The following HIF3A variants were observed in gnomAD, a reference collection of about 807,000 sequenced individuals.
The protein encoded by HIF3A is hypoxia inducible factor 3 subunit alpha.
In HIF3A, 41 loss-of-function variants were observed where a neutral mutation model predicts 67.2. That is an observed-to-expected ratio of 0.61 (90% confidence interval 0.48 to 0.79). The LOEUF (loss-of-function observed/expected upper bound fraction) is 0.79, where lower values mean the gene tolerates loss of function less well. Ranked by LOEUF, HIF3A falls within the 30% of genes least tolerant of loss-of-function variation. The probability of loss-of-function intolerance (pLI) is 0.00; values close to 1 mark genes in which losing one functional copy is unlikely to be tolerated. For missense variants in HIF3A, 855 were observed against 898.0 expected (o/e 0.95, Z 0.61); for synonymous variants, 356 against 374.8 (o/e 0.95, Z 0.58).
intron 1 of HIF3A, among the ~76,000 whole-genome samples, chr19:46,300,273 T>C (rs370337625): frequency 1.3e-5 from 2 of 152,218 alleles, no homozygotes; most frequent in South Asian, 4.1e-4. Context: ...CACCACACTA[T>C]GGGGCGTGTA....
At chr19:46,325,846 G>A (rs963706365) in intron 11 of HIF3A, among the ~76,000 whole-genome samples, 5 of 152,210 alleles carry the variant, frequency 3.3e-5, no homozygotes, top group African/African-American at 9.7e-5. Context: ...GTAGGTGGAT[G>A]AATGTTTGGA....
intron 6 of HIF3A, chr19:46,310,591 A>T (rs898320249): frequency 2.2e-6 from 1 of 455,946 alleles, no homozygotes. Flanking sequence ...TTGGCTGTGT[A>T]TCCTTAGCCA....
intron 10 of HIF3A, among the ~76,000 whole-genome samples, chr19:46,324,979 CAT>C (rs1162302915): frequency 1.8e-5 from 2 of 113,204 alleles, no homozygotes; most frequent in African/African-American, 8.2e-5. Context: ...CACACACACA[CAT>C]ATATTGTGTG....
In HIF3A at chr19:46,321,731, C is replaced by T. The variant is rs192786573; in HGVS notation, c.1145-45C>T. 625 of 1,571,818 alleles carry T rather than the reference C, an allele frequency of 4.0e-4. 6 individuals are homozygous for T. In the East Asian group the frequency reaches 0.012, roughly 31 times the overall value. Reference sequence around the variant, plus strand: ...GTATGGAGGGCTCTGGCCCTTGGCCCTCAGTCACCAGCCCGTGTCCTCCCC... The same window carrying T: ...GTATGGAGGGCTCTGGCCCTTGGCCTTCAGTCACCAGCCCGTGTCCTCCCC... On this transcript the variant is annotated intron_variant, in intron 9 of 14. Coordinates refer to ENST00000377670, the MANE Select transcript of HIF3A (RefSeq NM_152795.4).
intron 13 of HIF3A, among the ~76,000 whole-genome samples, chr19:46,334,290 C>A (rs924049323): frequency 6.6e-6 from 1 of 152,008 alleles, no homozygotes; most frequent in Non-Finnish European, 1.5e-5. Flanking sequence ...TGGAGTTTCA[C>A]CATGTTGGCC....
intron 10 of HIF3A, among the ~76,000 whole-genome samples, chr19:46,322,614 T>C (rs1970456929): frequency 6.6e-6 from 1 of 151,792 alleles, no homozygotes; most frequent in Admixed American, 6.6e-5. Flanking sequence ...TAATTTTTTG[T>C]ATTTTTAGTA....
In HIF3A at chr19:46,340,647, T is replaced by C. The variant is rs1971902671; in HGVS notation, c.*1025T>C. On this transcript the variant is annotated 3_prime_UTR_variant, in exon 15 of 15. Coordinates refer to ENST00000377670, the MANE Select transcript of HIF3A (RefSeq NM_152795.4). ...TCCCAAATAGCCGGGACTACGGGCATGTGCCACATTGCCCGGCTAATTTTT... is the reference window on the plus strand; with the variant it reads ...TCCCAAATAGCCGGGACTACGGGCACGTGCCACATTGCCCGGCTAATTTTT... The C allele has an allele frequency of 1.3e-5, 2 of 152,224 alleles. No homozygotes were observed. The highest frequency in any genetic ancestry group is 4.8e-5 in the African/African-American group (2 of 41,446). The allele number at this position is 152,224 out of a possible 1,614,324, so 9.4% of individuals were successfully genotyped here.
At chr19:46,319,809 C>A (rs1003727483) in intron 8 of HIF3A, among the ~76,000 whole-genome samples, 9 of 152,042 alleles carry the variant, frequency 5.9e-5, no homozygotes, top group Non-Finnish European at 1.2e-4. Context: ...CTTTCAGTGC[C>A]GCCCCACCCC....
intron 9 of HIF3A, among the ~76,000 whole-genome samples, chr19:46,320,806 T>A (rs905699256): frequency 6.6e-6 from 1 of 152,238 alleles, no homozygotes; most frequent in Non-Finnish European, 1.5e-5. Flanking sequence ...CCTCCCCTTC[T>A]GTGGCTATGG....
At chr19:46,300,809 AC>A (rs372313203) in intron 1 of HIF3A, among the ~76,000 whole-genome samples, 1 of 152,102 alleles carries the variant, frequency 6.6e-6, no homozygotes, top group African/African-American at 2.4e-5. Context: ...AAAGACCCAC[AC>A]TTCCCAGTAG....
At position 46,304,062 on chromosome 19, in the gene HIF3A, T is replaced by A. The variant is rs751859823; in HGVS notation, c.191T>A (p.Leu64Gln). 9 of 1,578,568 alleles carry A rather than the reference T, an allele frequency of 5.7e-6. No individual in the cohort carries two copies. The highest frequency in any genetic ancestry group is 6.0e-6 in the Non-Finnish European group (7 of 1,163,444). The stretch of plus-strand genomic sequence containing the variant: ...ATCATGCGCCTCACCATCAGCTACC[T>A]GCGCATGCACCGCCTCTGCGCCGCA... ...ASIMRLTISY[L>Q]RMHRLCAAGE... The change falls in exon 2 of 15, where the codon CTG becomes CAG. Residue 64 changes from leucine to glutamine, a missense_variant. Physicochemically the swap from Leu to Gln is moderately radical, Grantham distance 113. Coordinates refer to ENST00000377670, the MANE Select transcript of HIF3A (RefSeq NM_152795.4).
At chr19:46,334,753 C>T in intron 13 of HIF3A, 152 bp from the exon 14 acceptor site, 1 of 545,482 alleles carries the variant, frequency 1.8e-6, no homozygotes, top group South Asian at 2.9e-5. Context: ...CACTATCTTG[C>T]CCAGGCTGGT....
chr19:46,301,451 G>C (rs1053411760), intron 1 of HIF3A, among the ~76,000 whole-genome samples: 1 of 152,156 alleles, frequency 6.6e-6, no homozygotes, highest in South Asian at 2.1e-4. Flanking sequence ...TCCCAGCTCA[G>C]CCAGTTGTTG....
chr19:46,321,982 C>T lies in HIF3A; in HGVS notation c.1335+16C>T. 2.5e-6 allele frequency: 4 copies of T among 1,612,150 alleles called. No homozygotes were observed. The highest frequency in any genetic ancestry group is 3.4e-6 in the Non-Finnish European group (4 of 1,178,984). ...TCCTCTTTCGGTAAGCCATCCCACC[C>T]ATGTGAGCCCTCAGCATCCAGTGCT... On this transcript the variant is annotated intron_variant, in intron 10 of 14. Coordinates refer to ENST00000377670, the MANE Select transcript of HIF3A (RefSeq NM_152795.4).
chr19:46,321,887 G>A lies in HIF3A; in HGVS notation c.1256G>A (p.Gly419Glu), dbSNP rs767857027. 3 of 1,613,960 alleles carry A rather than the reference G, an allele frequency of 1.9e-6. No individual in the cohort carries two copies. The highest frequency in any genetic ancestry group is 1.3e-5 in the African/African-American group (1 of 75,026). The change falls in exon 10 of 15, where the codon GGA (glycine) becomes GAA (glutamate). Residue 419 changes from glycine (G) to glutamate (E), a missense_variant. This residue lies in a region of HIF3A where 638 missense variants were observed against 660.5 expected (regional missense o/e 0.97). Transcript: ENST00000377670. ...FCSPDLRRLLGPILDGASVAA... is the reference protein window; with the variant it reads ...FCSPDLRRLLEPILDGASVAA... ...AGCCCTGACCTCCGTCGCCTCCTGG[G>A]ACCCATCCTGGATGGGGCTTCAGTA...
intron 1 of HIF3A, among the ~76,000 whole-genome samples, chr19:46,301,761 G>A (rs1175356708): frequency 6.6e-6 from 1 of 151,032 alleles, no homozygotes; most frequent in East Asian, 1.9e-4. Context: ...GGCGGAGGCT[G>A]CAGTGAGCCA....
intron 8 of HIF3A, 166 bp downstream of exon 8, chr19:46,312,819 A>G (rs1969569075): frequency 7.6e-7 from 1 of 1,322,874 alleles, no homozygotes; most frequent in Admixed American, 3.7e-5. Context: ...GTGTGTCACC[A>G]TGTAAATGCC....
chr19:46,312,869 G>T, intron 8 of HIF3A: 8 of 1,116,858 alleles, frequency 7.2e-6, no homozygotes, highest in East Asian at 9.8e-5. Flanking sequence ...GTGTATGGGT[G>T]TGTAGACTGT....
At chr19:46,298,175 G>T in intron 1 of HIF3A, 2 of 294,346 alleles carry the variant, frequency 6.8e-6, no homozygotes, top group Non-Finnish European at 1.4e-5. Flanking sequence ...TCTCAGGCCT[G>T]ATTGGATCCA....
Sources: allele counts gnomAD v4.1 joint callset (sites outside exome capture counted in the v4.1 genomes callset), GRCh38; gene constraint gnomAD v4.1.1; regional missense constraint gnomAD v4.1.1; transcripts MANE v1.5; gene names NCBI Gene and HGNC (gene_info 2026-07-23, HGNC 2026-07-21).